Variants in SCUBE1 observed in about 807,000 individuals in gnomAD.
SCUBE1 encodes the protein signal peptide, CUB and EGF-like domain-containing protein 1.
In SCUBE1, 59 loss-of-function variants were observed where a neutral mutation model predicts 124.4. That is an observed-to-expected ratio of 0.47 (90% CI 0.38 to 0.59). The LOEUF (loss-of-function observed/expected upper bound fraction) is 0.59, where lower values mean the gene tolerates loss of function less well. Among genes scored for constraint, SCUBE1 ranks in the 20% least tolerant of loss-of-function variants. SCUBE1 has a pLI of 0.00. For missense variants in SCUBE1, 1,150 were observed against 1,371.2 expected (o/e 0.84, Z 2.55); for synonymous variants, 545 against 550.9 (o/e 0.99, Z 0.15).
intron 3 of SCUBE1, among the ~76,000 whole-genome samples, chr22:43,294,217 G>A (rs1214206722): frequency 6.6e-6 from 1 of 152,252 alleles, no homozygotes; most frequent in African/African-American, 2.4e-5. Context: ...CCCCGAGGAG[G>A]GGAGGAAATC....
At chr22:43,248,252 G>A (rs1460946274) in intron 6 of SCUBE1, among the ~76,000 whole-genome samples, 3 of 152,204 alleles carry the variant, frequency 2.0e-5, no homozygotes, top group South Asian at 2.1e-4. Flanking sequence ...ACAGTGGGAG[G>A]GAAGCTGGGG....
intron 2 of SCUBE1, among the ~76,000 whole-genome samples, chr22:43,335,844 A>ATGATGGTGG (rs1927054107): frequency 7.5e-6 from 1 of 133,140 alleles, no homozygotes; most frequent in African/African-American, 3.1e-5. Flanking sequence ...GATGATGATA[A>ATGATGGTGG]TGATGATGGT....
chr22:43,231,408 G>A (rs1922545843), intron 8 of SCUBE1, among the ~76,000 whole-genome samples: 1 of 152,214 alleles, frequency 6.6e-6, no homozygotes, highest in Non-Finnish European at 1.5e-5. Context: ...AATGTGCAAC[G>A]CTTTCCAACA....
rs1305457948 is a variant in SCUBE1 at position 43,323,500 on chromosome 22, A to ACATCCAGACACGCATGCATG, written c.221-3455_221-3436dup. ...TTTATCCAGCCAAATGTTCACCCAT[A>ACATCCAGACACGCATGCATG]CATCCAGACACGCATGCATGCATCC... On this transcript the variant is annotated intron_variant, in intron 2 of 21. Transcript: ENST00000360835. 2.0e-4 allele frequency among the ~76,000 whole-genome samples: 30 copies of ACATCCAGACACGCATGCATG among 152,232 alleles called. 1 individual carries two copies. The highest frequency in any genetic ancestry group is 6.5e-4 in the African/African-American group (27 of 41,526).
chr22:43,256,272 G>T (rs1472481935), intron 6 of SCUBE1, among the ~76,000 whole-genome samples: 1 of 152,242 alleles, frequency 6.6e-6, no homozygotes, highest in South Asian at 2.1e-4. Flanking sequence ...TGCAAAGAGG[G>T]ATCACTTATT....
At chr22:43,208,042 A>G in intron 20 of SCUBE1, 30 bp downstream of exon 20, 1 of 1,613,410 alleles carries the variant, frequency 6.2e-7, no homozygotes. Flanking sequence ...TGAGCCGTGC[A>G]CAGTGGGCCG....
At chr22:43,208,919 G>A (rs1259399259) in intron 19 of SCUBE1, among the ~76,000 whole-genome samples, 1 of 152,136 alleles carries the variant, frequency 6.6e-6, no homozygotes, top group Non-Finnish European at 1.5e-5. Context: ...GGCTCCCTGG[G>A]GGCCTTCCCG....
intron 3 of SCUBE1, among the ~76,000 whole-genome samples, chr22:43,308,122 A>G (rs1926040758): frequency 6.6e-6 from 1 of 152,144 alleles, no homozygotes; most frequent in South Asian, 2.1e-4. Context: ...CCTTTTTTGT[A>G]GCGATTTGGG....
chr22:43,303,913 A>G (rs1363655092), intron 3 of SCUBE1, among the ~76,000 whole-genome samples: 1 of 152,182 alleles, frequency 6.6e-6, no homozygotes, highest in Non-Finnish European at 1.5e-5. Flanking sequence ...CGGCGAGCTG[A>G]GCTAAAGCGC....
rs1440570359 is a variant in SCUBE1, at chr22:43,281,536, T to TTCA, written c.484+9509_484+9510insTGA. On this transcript the variant is annotated intron_variant, in intron 4 of 21. Transcript: ENST00000360835. ...CTCAGCCACCCTCCTGTCACCTCCC[T>TTCA]CAGTCACCCTCCTGTCACCTCCCCC... Among the ~76,000 whole-genome samples, 114 of 75,200 alleles carry TTCA rather than the reference T, an allele frequency of 1.5e-3. 8 individuals are homozygous for TTCA. The East Asian group carries it at 0.042, about 28-fold the overall frequency. 49.3% of individuals were successfully genotyped at this position (75,200 alleles called of 152,430 possible).
At position 43,227,486 on chromosome 22, in the gene SCUBE1, C is replaced by T. The variant is rs146461162; in HGVS notation, c.1095G>A (p.Glu365=). The change falls in exon 10 of 22, where the codon GAG becomes GAA. Residue 365 remains glutamate (E), a synonymous_variant. Coordinates refer to ENST00000360835, the MANE Select transcript of SCUBE1 (RefSeq NM_173050.5). ...CACAGCTCCCGTTGCTCATGCTGCA[C>T]TCGTCCACATCTGGAAGCACAGCGG... The part of the protein sequence containing the change: ...YGTTHCGDVD[E]CSMSNGSCDQ... 5.6e-6 allele frequency: 9 copies of T among 1,612,490 alleles called. No homozygotes were observed. The highest frequency in any genetic ancestry group is 6.8e-6 in the Non-Finnish European group (8 of 1,179,790).
intron 1 of SCUBE1, among the ~76,000 whole-genome samples, chr22:43,340,925 C>T (rs963769276): frequency 6.6e-6 from 1 of 152,180 alleles, no homozygotes; most frequent in Non-Finnish European, 1.5e-5. Flanking sequence ...CTCTAAATTT[C>T]TCCCCTGGAT....
At chr22:43,223,061 G>C (rs1240578812) in intron 11 of SCUBE1, 36 bp downstream of exon 11, 8 of 1,502,940 alleles carry the variant, frequency 5.3e-6, no homozygotes, top group Non-Finnish European at 6.2e-6. Context: ...AGACCCCCCT[G>C]CCACAGCATC....
intron 4 of SCUBE1, among the ~76,000 whole-genome samples, chr22:43,281,524 CTGTCACCT>C (rs1924884725): frequency 1.2e-5 from 1 of 86,504 alleles, no homozygotes; most frequent in Non-Finnish European, 2.3e-5. Flanking sequence ...AGCCACCCTC[CTGTCACCT>C]CCCTCAGTCA....
At chr22:43,281,563 C>T (rs1255049039) in intron 4 of SCUBE1, among the ~76,000 whole-genome samples, 3 of 137,836 alleles carry the variant, frequency 2.2e-5, no homozygotes, top group East Asian at 3.7e-4. Context: ...ACCTCCCCCT[C>T]AGCCACCCTC....
At chr22:43,292,447 T>C (rs772010009) in intron 3 of SCUBE1, among the ~76,000 whole-genome samples, 2 of 152,088 alleles carry the variant, frequency 1.3e-5, no homozygotes, top group African/African-American at 2.4e-5. Context: ...AAAGAAGGGC[T>C]TCTTAAACCT....
chr22:43,284,739 A>G (rs1309258861), intron 4 of SCUBE1, among the ~76,000 whole-genome samples: 1 of 151,456 alleles, frequency 6.6e-6, no homozygotes, highest in African/African-American at 2.4e-5. Context: ...CATTGGATGC[A>G]GCTCTTGCAA....
At chr22:43,209,961 G>T in intron 19 of SCUBE1, 82 bp downstream of exon 19, 1 of 1,437,242 alleles carries the variant, frequency 7.0e-7, no homozygotes, top group Non-Finnish European at 9.4e-7. Context: ...TGAAGGCAGC[G>T]ATCCCGCCTG....
intron 4 of SCUBE1, among the ~76,000 whole-genome samples, chr22:43,290,329 C>A (rs1925310183): frequency 6.6e-6 from 1 of 152,212 alleles, no homozygotes; most frequent in South Asian, 2.1e-4. Flanking sequence ...GCTCTCTCCT[C>A]CAAGCACATG....
Sources: allele counts gnomAD v4.1 joint callset (sites outside exome capture counted in the v4.1 genomes callset), GRCh38; gene constraint gnomAD v4.1.1; transcripts MANE v1.5; gene names NCBI Gene and HGNC (gene_info 2026-07-23, HGNC 2026-07-21).